Variants in ABCB8 observed in about 807,000 individuals in gnomAD.
The protein encoded by ABCB8 is ATP binding cassette subfamily B member 8, also known as mitochondrial potassium channel ATP-binding subunit.
ABCB8 carries 52 observed loss-of-function variants against 73.0 expected under a neutral mutation model. That is an observed-to-expected ratio of 0.71 (90% CI 0.57 to 0.90). ABCB8 has a LOEUF of 0.90. Ranked by LOEUF, ABCB8 falls within the 40% of genes least tolerant of loss-of-function variation. ABCB8 has a pLI of 0.00. For missense variants in ABCB8, 909 were observed against 974.6 expected (o/e 0.93, Z 0.90); for synonymous variants, 428 against 423.5 (o/e 1.01, Z -0.13).
At position 151,045,474 on chromosome 7, in the gene ABCB8, C is replaced by A; in HGVS notation, c.*125C>A. 1 of 1,227,558 alleles carries A rather than the reference C, an allele frequency of 8.1e-7. No homozygotes were observed. The highest frequency in any genetic ancestry group is 1.1e-6 in the Non-Finnish European group (1 of 951,942). The allele number at this position is 1,227,558 out of a possible 1,614,324, so 76.0% of individuals were successfully genotyped here. A position where few individuals can be genotyped will look rare whatever the true frequency, so the allele number is the denominator to read the frequency against. ...CATGTGGAGAGTCGCTGCGGCTGCTCCTGCTCACAATAAAGCCGGGGCCGA... is the reference window on the plus strand; with the variant it reads ...CATGTGGAGAGTCGCTGCGGCTGCTACTGCTCACAATAAAGCCGGGGCCGA... On this transcript the variant is annotated 3_prime_UTR_variant, in exon 16 of 16. Coordinates refer to ENST00000358849, the MANE Select transcript of ABCB8 (RefSeq NM_007188.5).
chr7:151,034,891 G>A, intron 5 of ABCB8, 62 bp downstream of exon 5: 1 of 1,452,876 alleles, frequency 6.9e-7, no homozygotes. Flanking sequence ...GATTCACCAG[G>A]CCAGCCCTGC....
In ABCB8 at chr7:151,045,303, C is replaced by T. The variant is rs747835600; in HGVS notation, c.2111C>T (p.Pro704Leu). The change falls in exon 16 of 16, where the codon CCG (proline) becomes CTG (leucine). Residue 704 changes from proline to leucine, a missense_variant. Pro to Leu is a moderately conservative substitution (Grantham distance 98, BLOSUM62 -3). Coordinates refer to ENST00000358849, the MANE Select transcript of ABCB8 (RefSeq NM_007188.5). Reference sequence around the variant, plus strand: ...GATGCCCCGAGGACAGCGGCCCCACCGCCCAAAAAGCCAGAAGGCCCCAGG... The same window carrying T: ...GATGCCCCGAGGACAGCGGCCCCACTGCCCAAAAAGCCAGAAGGCCCCAGG... ...ALDAPRTAAP[P>L]PKKPEGPRSH... The T allele has an allele frequency of 6.3e-6, 10 of 1,598,980 alleles. No individual in the cohort carries two copies. The highest frequency in any genetic ancestry group is 1.7e-4 in the Middle Eastern group (1 of 5,986).
chr7:151,034,022 C>A (rs1796236562), intron 2 of ABCB8, 105 bp downstream of exon 2: 9 of 1,384,158 alleles, frequency 6.5e-6, no homozygotes, highest in Non-Finnish European at 1.9e-6. Context: ...CTCAGGGGAG[C>A]AGCAAGGGCT....
In ABCB8 at chr7:151,028,471, G is replaced by C. The variant is rs760977664; in HGVS notation, c.-45G>C. The stretch of plus-strand genomic sequence containing the variant: ...CAACATAGAGCCCTCAGTGGGATGA[G>C]GGTGAAACTGCTATTGCCGGCGGCT... On this transcript the variant is annotated 5_prime_UTR_variant, in exon 1 of 16. Coordinates refer to ENST00000358849, the MANE Select transcript of ABCB8 (RefSeq NM_007188.5). The C allele has an allele frequency of 1.9e-6, 3 of 1,583,494 alleles. No individual in the cohort carries two copies. Among genetic ancestry groups the C allele is most frequent in the African/African-American group, 1.3e-5 (1 of 74,342 alleles).
chr7:151,034,254 CT>C lies in ABCB8; in HGVS notation c.409-18del. On this transcript the variant is annotated intron_variant, in intron 2 of 15. Coordinates refer to ENST00000358849, the MANE Select transcript of ABCB8 (RefSeq NM_007188.5). Reference sequence around the variant, plus strand: ...CTCCCCCACTTAAAACATTTGTGCCCTCTGTCTCCCCATTCCAGCTGGCCTT... The same window carrying C: ...CTCCCCCACTTAAAACATTTGTGCCCCTGTCTCCCCATTCCAGCTGGCCTT... The C allele has an allele frequency of 6.2e-7, 1 of 1,601,990 alleles. No individual in the cohort carries two copies. The highest frequency in any genetic ancestry group is 1.1e-5 in the South Asian group (1 of 89,778).
At chr7:151,037,328 G>T (rs1042633556) in intron 9 of ABCB8, 11 of 702,622 alleles carry the variant, frequency 1.6e-5, no homozygotes, top group Middle Eastern at 2.4e-4. Context: ...GACAGGCTGT[G>T]TGAGCTGCCC....
intron 1 of ABCB8, chr7:151,033,324 C>G: frequency 2.9e-6 from 3 of 1,019,430 alleles, no homozygotes; most frequent in Non-Finnish European, 4.0e-6. Flanking sequence ...GTCGAGGCTG[C>G]GAGGGCCCTG....
intron 1 of ABCB8, among the ~76,000 whole-genome samples, chr7:151,030,939 T>TGAAAA (rs144027118): frequency 2.2e-4 from 33 of 152,166 alleles, no homozygotes; most frequent in East Asian, 7.7e-4. Flanking sequence ...GACCCTGTCT[T>TGAAAA]GAAAAGAAAA....
intron 1 of ABCB8, among the ~76,000 whole-genome samples, chr7:151,030,208 G>T (rs1044093750): frequency 6.6e-6 from 1 of 152,194 alleles, no homozygotes; most frequent in Non-Finnish European, 1.5e-5. Context: ...CATTTAGTTG[G>T]TCAGGACCAT....
rs1796428377 is a variant in ABCB8 at position 151,040,541 on chromosome 7, T to C, written c.1295T>C (p.Met432Thr). Residue 432 changes from methionine to threonine, a missense_variant, in exon 11 of 16, where the codon ATG (methionine) becomes ACG (threonine). By Grantham distance (81) the Met-to-Thr change is moderately conservative. Coordinates refer to ENST00000358849, the MANE Select transcript of ABCB8 (RefSeq NM_007188.5). ...GCAGGTGCCCGGGTCTTTGAGTACA[T>C]GGCCCTGAACCCCTGCATCCCACTG... Reference protein sequence around the residue: ...LSAGARVFEYMALNPCIPLSG... With the variant: ...LSAGARVFEYTALNPCIPLSG... 6.2e-7 allele frequency: 1 copy of C among 1,613,264 alleles called. No individual in the cohort carries two copies. Among genetic ancestry groups the C allele is most frequent in the South Asian group, 1.1e-5 (1 of 91,072 alleles).
intron 15 of ABCB8, 126 bp downstream of exon 15, chr7:151,044,347 A>T: frequency 6.9e-7 from 1 of 1,449,936 alleles, no homozygotes; most frequent in Non-Finnish European, 9.3e-7. Flanking sequence ...TATATTCTGG[A>T]AGCAGCGTCC....
intron 9 of ABCB8, chr7:151,037,990 G>C (rs1056050478): frequency 2.6e-5 from 4 of 155,380 alleles, no homozygotes; most frequent in African/African-American, 9.6e-5. Flanking sequence ...AGCCCAAGGA[G>C]CTGTTCTGTC....
chr7:151,034,062 C>G (rs1796237500), intron 2 of ABCB8, 145 bp downstream of exon 2: 1 of 1,226,424 alleles, frequency 8.2e-7, no homozygotes, highest in Admixed American at 2.8e-5. Flanking sequence ...CCAGGAGCAT[C>G]AACACTGGGT....
At position 151,033,197 on chromosome 7, in the gene ABCB8, T is replaced by G. The variant is rs184097473; in HGVS notation, c.96-408T>G. ...GTGCCGGGCACAGGAGCAGCTCTCT[T>G]TCCTCACCTCTCTGCACCGTGGTCC... On this transcript the variant is annotated intron_variant, in intron 1 of 15. Transcript: ENST00000358849. 1,513 of 433,678 alleles carry G rather than the reference T, an allele frequency of 3.5e-3. 21 individuals carry two copies. Among genetic ancestry groups the G allele is most frequent in the African/African-American group, 0.027 (1,360 of 49,672 alleles). The allele number at this position is 433,678 out of a possible 1,614,324, so 26.9% of individuals were successfully genotyped here.
At chr7:151,032,586 C>T (rs1381492252) in intron 1 of ABCB8, among the ~76,000 whole-genome samples, 2 of 151,748 alleles carry the variant, frequency 1.3e-5, no homozygotes, top group Non-Finnish European at 2.9e-5. Flanking sequence ...CCCAGCTGCT[C>T]AGGAGGCTGA....
rs1318262150 is a variant in ABCB8 at position 151,033,696 on chromosome 7, G to T, written c.187G>T (p.Ala63Ser). ...GGCCCACCTCCCTCGAGCCCCCCTA[G>T]CTCCCAGATGGAGCCCCTCTGCCTG... The part of the protein sequence containing the change: ...LWAHLPRAPL[A>S]PRWSPSAWCW... Residue 63 changes from alanine (A) to serine (S), a missense_variant, in exon 2 of 16, where the codon GCT (alanine) becomes TCT (serine). Transcript: ENST00000358849. 6.2e-7 allele frequency: 1 copy of T among 1,613,354 alleles called. No individual in the cohort carries two copies. The highest frequency in any genetic ancestry group is 1.1e-5 in the South Asian group (1 of 91,026).
chr7:151,047,116 T>A lies in ABCB8; in HGVS notation c.*1767T>A, dbSNP rs1412382890. ...CCAGGCAGCCAGCCAAGGTGGTTCCTGCTTCACCCACTCAGTCATCAGCCT... is the reference window on the plus strand; with the variant it reads ...CCAGGCAGCCAGCCAAGGTGGTTCCAGCTTCACCCACTCAGTCATCAGCCT... On this transcript the variant is annotated 3_prime_UTR_variant, in exon 16 of 16. Coordinates refer to ENST00000358849, the MANE Select transcript of ABCB8 (RefSeq NM_007188.5). 6.6e-6 allele frequency: 1 copy of A among 152,284 alleles called. No homozygotes were observed. Among genetic ancestry groups the A allele is most frequent in the Non-Finnish European group, 1.5e-5 (1 of 68,084 alleles). 9.4% of individuals were successfully genotyped at this position (152,284 alleles called of 1,614,324 possible).
intron 9 of ABCB8, chr7:151,037,305 A>G (rs765217514): frequency 1.4e-5 from 10 of 702,782 alleles, no homozygotes; most frequent in Middle Eastern, 2.3e-4. Flanking sequence ...CCATGCATGG[A>G]AGGACCATCC....
chr7:151,045,606 G>C lies in ABCB8; in HGVS notation c.*257G>C. The C allele has an allele frequency of 2.3e-6, 1 of 431,184 alleles. No individual in the cohort carries two copies. Among genetic ancestry groups the C allele is most frequent in the Non-Finnish European group, 4.0e-6 (1 of 247,388 alleles). 26.7% of individuals were successfully genotyped at this position (431,184 alleles called of 1,614,324 possible). On this transcript the variant is annotated 3_prime_UTR_variant, in exon 16 of 16. Coordinates refer to ENST00000358849, the MANE Select transcript of ABCB8 (RefSeq NM_007188.5). ...CATTGGGCTGCAATGGGCAGAGACA[G>C]AGTTCCACGAGACACCTCCACTCTA...
Sources: gnomAD v4.1 joint callset for allele counts (sites outside exome capture counted in the v4.1 genomes callset) on GRCh38, gnomAD v4.1.1 for gene constraint, MANE v1.5 for transcripts, NCBI Gene and HGNC (gene_info 2026-07-23, HGNC 2026-07-21) for gene names.